The following TGM6 variants were observed in gnomAD, a reference collection of about 807,000 sequenced individuals.
TGM6 encodes the protein protein-glutamine gamma-glutamyltransferase 6.
A neutral mutation model predicts 77.5 loss-of-function variants in TGM6; 74 were observed. The ratio of observed to expected loss-of-function variants is 0.96; its 90% confidence interval spans 0.79 to 1.16. The LOEUF (loss-of-function observed/expected upper bound fraction) is 1.16. Ranked by LOEUF, TGM6 falls within the 50% of genes most tolerant of loss-of-function variation. The pLI is 0.00. For synonymous variants in TGM6, 383 were observed against 378.9 expected (o/e 1.01, Z -0.12); for missense variants, 968 against 940.2 (o/e 1.03, Z -0.39).
chr20:2,421,440 A>G (rs1368719617), intron 10 of TGM6, among the ~76,000 whole-genome samples: 1 of 152,182 alleles, frequency 6.6e-6, no homozygotes, highest in Non-Finnish European at 1.5e-5. Context: ...GTTGTTCCCT[A>G]TTCTATCCAG....
chr20:2,415,982 G>A (rs1021167600), intron 9 of TGM6, among the ~76,000 whole-genome samples: 2 of 152,182 alleles, frequency 1.3e-5, no homozygotes, highest in Non-Finnish European at 2.9e-5. Context: ...TGGACAACAA[G>A]AGAGTGCGTT....
intron 10 of TGM6, among the ~76,000 whole-genome samples, chr20:2,428,770 C>A (rs573229834): frequency 4.0e-4 from 61 of 152,184 alleles, no homozygotes; most frequent in African/African-American, 1.3e-3. Context: ...TGTGAAAGCG[C>A]TTCCAAGTGC....
At chr20:2,395,131 T>C in intron 2 of TGM6, 63 bp from the exon 3 acceptor site, 2 of 1,592,702 alleles carry the variant, frequency 1.3e-6, no homozygotes, top group Non-Finnish European at 1.7e-6. Context: ...GTAGCTTTTT[T>C]CACTTCTCTA....
In TGM6 at chr20:2,403,690, C is replaced by T. The variant is rs746480307; in HGVS notation, c.1203C>T (p.Thr401=). The change falls in exon 9 of 13, where the codon ACC becomes ACT. Residue 401 remains threonine (T), a synonymous_variant. Transcript: ENST00000202625. ...VFAEVNADYI[T]WLWHEDESRE... ...CGGAGGTCAACGCCGACTACATCACCTGGCTGTGGCACGAGGATGAGAGCC... is the reference window on the plus strand; with the variant it reads ...CGGAGGTCAACGCCGACTACATCACTTGGCTGTGGCACGAGGATGAGAGCC... The T allele has an allele frequency of 1.2e-6, 2 of 1,614,222 alleles. No individual in the cohort carries two copies. The highest frequency in any genetic ancestry group is 1.1e-5 in the South Asian group (1 of 91,092).
intron 1 of TGM6, among the ~76,000 whole-genome samples, chr20:2,393,484 C>T (rs1046687735): frequency 1.3e-5 from 2 of 152,176 alleles, no homozygotes; most frequent in African/African-American, 4.8e-5. Context: ...TGAACTATAG[C>T]GCTGCTGGCC....
In TGM6 at chr20:2,399,708, T is replaced by C; in HGVS notation, c.820T>C (p.Cys274Arg). 1 of 1,614,038 alleles carries C rather than the reference T, an allele frequency of 6.2e-7. No homozygotes were observed. Among genetic ancestry groups the C allele is most frequent in the Non-Finnish European group, 8.5e-7 (1 of 1,180,000 alleles). Residue 274 changes from cysteine to arginine, a missense_variant, in exon 6 of 13, where the codon TGC (cysteine) becomes CGC (arginine). By Grantham distance (180) the Cys-to-Arg change is radical (BLOSUM62 -3). Coordinates refer to ENST00000202625, the MANE Select transcript of TGM6 (RefSeq NM_198994.3). ...GTACAAGCCAGTCAAGTACGGCCAG[T>C]GCTGGGTCTTCGCCGGAGTCCTGTG... ...GRYKPVKYGQ[C>R]WVFAGVLCTV... is the part of the protein sequence containing the mutation.
At chr20:2,406,256 C>T (rs1335752607) in intron 9 of TGM6, among the ~76,000 whole-genome samples, 2 of 152,106 alleles carry the variant, frequency 1.3e-5, no homozygotes, top group African/African-American at 2.4e-5. Context: ...TGCTGGGTCC[C>T]TTCAGCTGGG....
chr20:2,425,819 TC>T (rs2084884231), intron 10 of TGM6, among the ~76,000 whole-genome samples: 1 of 152,210 alleles, frequency 6.6e-6, no homozygotes, highest in African/African-American at 2.4e-5. Flanking sequence ...AATTGGGATA[TC>T]CATCACCTTA....
At position 2,428,876 on chromosome 20, in the gene TGM6, T is replaced by C. The variant is rs563080899; in HGVS notation, c.1679-1570T>C. On this transcript the variant is annotated intron_variant, in intron 10 of 12. Transcript: ENST00000202625. ...TCTCTCTCTGTCGCTCAGGCTGGAG[T>C]GCAGTGGCGCAATCTCAGCTCACTG... is the stretch of plus-strand genomic sequence containing the variant. Among the ~76,000 whole-genome samples, 12 of 152,220 alleles carry C rather than the reference T, an allele frequency of 7.9e-5. No homozygotes were observed. The East Asian group carries it at 1.9e-3, about 25-fold the overall frequency.
At chr20:2,407,130 CA>C (rs1362437045) in intron 9 of TGM6, among the ~76,000 whole-genome samples, 5 of 152,202 alleles carry the variant, frequency 3.3e-5, no homozygotes, top group Admixed American at 2.6e-4. Context: ...CTGCAGAACC[CA>C]GAGCCCATGC....
At chr20:2,425,650 C>G (rs2084882915) in intron 10 of TGM6, among the ~76,000 whole-genome samples, 1 of 152,038 alleles carries the variant, frequency 6.6e-6, no homozygotes, top group Non-Finnish European at 1.5e-5. Flanking sequence ...TACAATTGTA[C>G]AATTGTACTG....
At chr20:2,411,030 C>T (rs924316370) in intron 9 of TGM6, among the ~76,000 whole-genome samples, 1 of 152,102 alleles carries the variant, frequency 6.6e-6, no homozygotes, top group Non-Finnish European at 1.5e-5. Context: ...CTGGTGAATT[C>T]TACCAAATAT....
At chr20:2,390,845 C>T (rs2084624948) in intron 1 of TGM6, among the ~76,000 whole-genome samples, 1 of 151,996 alleles carries the variant, frequency 6.6e-6, no homozygotes, top group South Asian at 2.1e-4. Flanking sequence ...GGAGAGTGAT[C>T]CACATACAGG....
chr20:2,407,795 T>C (rs541319723), intron 9 of TGM6, among the ~76,000 whole-genome samples: 2 of 152,268 alleles, frequency 1.3e-5, no homozygotes, highest in East Asian at 3.9e-4. Context: ...TGGTGTGCCA[T>C]ACAGCATGCT....
chr20:2,396,774 A>G, intron 4 of TGM6, 150 bp downstream of exon 4: 1 of 757,516 alleles, frequency 1.3e-6, no homozygotes, highest in Middle Eastern at 3.7e-4. Context: ...TTCATCTACT[A>G]TTCACTGGGC....
chr20:2,430,355 G>T, intron 10 of TGM6, 91 bp from the exon 11 acceptor site: 1 of 1,514,540 alleles, frequency 6.6e-7, no homozygotes, highest in Admixed American at 1.7e-5. Context: ...CAGAGAGAAA[G>T]GAGCTATTAG....
chr20:2,423,726 G>C lies in TGM6; in HGVS notation c.1678+6153G>C, dbSNP rs1485540706. Among the ~76,000 whole-genome samples, 6 of 152,234 alleles carry C rather than the reference G, an allele frequency of 3.9e-5. No individual in the cohort carries two copies. In the East Asian group the frequency reaches 1.2e-3, roughly 29 times the overall value. On this transcript the variant is annotated intron_variant, in intron 10 of 12. Coordinates refer to ENST00000202625, the MANE Select transcript of TGM6 (RefSeq NM_198994.3). ...CTAGAATGGTGAATCTTTTCCAGAAGGTTTTCAATTGACTTTGCCCAGATC... is the reference window on the plus strand; with the variant it reads ...CTAGAATGGTGAATCTTTTCCAGAACGTTTTCAATTGACTTTGCCCAGATC...
At chr20:2,425,640 T>C (rs1392309350) in intron 10 of TGM6, among the ~76,000 whole-genome samples, 1 of 152,168 alleles carries the variant, frequency 6.6e-6, no homozygotes, top group Non-Finnish European at 1.5e-5. Context: ...TTCAATAATG[T>C]ACAATTGTAC....
intron 10 of TGM6, among the ~76,000 whole-genome samples, chr20:2,420,194 G>A (rs151299981): frequency 0.015 from 2,330 of 152,120 alleles, 31 homozygotes; most frequent in African/African-American, 0.037. Context: ...GCAGTGAGCC[G>A]AGATCGCGCC....
Sources: allele counts gnomAD v4.1 joint callset (sites outside exome capture counted in the v4.1 genomes callset), GRCh38; gene constraint gnomAD v4.1.1; transcripts MANE v1.5; gene names NCBI Gene and HGNC (gene_info 2026-07-23, HGNC 2026-07-21).